CPQ: variants seen among roughly 807,000 people sequenced by gnomAD.
The protein encoded by CPQ is carboxypeptidase Q.
In CPQ, 37 loss-of-function variants were observed where a neutral mutation model predicts 45.7. The ratio of observed to expected loss-of-function variants is 0.81; its 90% CI spans 0.62 to 1.07. The LOEUF (loss-of-function observed/expected upper bound fraction) is 1.07. Among genes scored for constraint, CPQ ranks in the 50% least tolerant of loss-of-function variants. CPQ has a pLI of 0.00. For synonymous variants in CPQ, 186 were observed against 205.8 expected (o/e 0.90, Z 0.82); for missense variants, 537 against 572.9 (o/e 0.94, Z 0.64).
At chr8:96,930,320 T>G (rs1477802202) in intron 4 of CPQ, among the ~76,000 whole-genome samples, 1 of 152,188 alleles carries the variant, frequency 6.6e-6, no homozygotes, top group South Asian at 2.1e-4. Flanking sequence ...TTCCAGGTGA[T>G]TTTTGGGAAA....
chr8:96,825,332 G>A (rs1811366108), intron 2 of CPQ, among the ~76,000 whole-genome samples: 1 of 152,016 alleles, frequency 6.6e-6, no homozygotes, highest in Non-Finnish European at 1.5e-5. Flanking sequence ...GCCTGCAGAT[G>A]TTTTGGGGGA....
At chr8:96,774,806 G>T (rs1287313259) in intron 1 of CPQ, among the ~76,000 whole-genome samples, 4 of 152,120 alleles carry the variant, frequency 2.6e-5, no homozygotes, top group Non-Finnish European at 1.5e-5. Context: ...ATAGTCATAG[G>T]TCTTGCTTAT....
At chr8:96,847,013 T>C (rs1232544045) in intron 3 of CPQ, among the ~76,000 whole-genome samples, 1 of 152,222 alleles carries the variant, frequency 6.6e-6, no homozygotes, top group East Asian at 1.9e-4. Flanking sequence ...TCACGTTAAA[T>C]ATATTTGGCA....
intron 7 of CPQ, among the ~76,000 whole-genome samples, chr8:97,074,808 A>G (rs1456017042): frequency 6.6e-6 from 1 of 152,058 alleles, no homozygotes; most frequent in African/African-American, 2.4e-5. Flanking sequence ...AGAGAAGGAC[A>G]TTCCTGATGA....
intron 1 of CPQ, among the ~76,000 whole-genome samples, chr8:96,746,526 T>C (rs1332003924): frequency 1.3e-5 from 2 of 152,176 alleles, no homozygotes; most frequent in Non-Finnish European, 2.9e-5. Context: ...CTCTGCTCTG[T>C]CCACTTATTT....
chr8:96,747,957 G>A (rs1810211628), intron 1 of CPQ, among the ~76,000 whole-genome samples: 1 of 152,196 alleles, frequency 6.6e-6, no homozygotes, highest in African/African-American at 2.4e-5. Flanking sequence ...GAAAGACAAA[G>A]ACAGACAGCA....
chr8:96,652,445 T>C (rs1815587085), intron 1 of CPQ, among the ~76,000 whole-genome samples: 1 of 152,352 alleles, frequency 6.6e-6, no homozygotes, highest in Admixed American at 6.5e-5. Flanking sequence ...TGGGATTGCA[T>C]ATGTCTCTTT....
intron 1 of CPQ, among the ~76,000 whole-genome samples, chr8:96,738,211 C>T (rs1189606414): frequency 6.6e-6 from 1 of 152,004 alleles, no homozygotes; most frequent in Non-Finnish European, 1.5e-5. Context: ...TGCATTGTTT[C>T]ATAGACACAC....
chr8:96,891,884 G>C (rs1812381960), intron 4 of CPQ, among the ~76,000 whole-genome samples: 1 of 152,120 alleles, frequency 6.6e-6, no homozygotes, highest in South Asian at 2.1e-4. Flanking sequence ...AGGAAGCCAA[G>C]GATGGCTTTC....
chr8:97,031,860 C>T (rs79285568), intron 6 of CPQ, among the ~76,000 whole-genome samples: 110 of 152,326 alleles, frequency 7.2e-4, no homozygotes, highest in Middle Eastern at 3.4e-3. Flanking sequence ...TTTACAGTAA[C>T]TCTTTACCTC....
At chr8:97,002,566 A>C (rs941978278) in intron 5 of CPQ, among the ~76,000 whole-genome samples, 1 of 152,078 alleles carries the variant, frequency 6.6e-6, no homozygotes, top group African/African-American at 2.4e-5. Context: ...ATGTAATTGT[A>C]TGGTTTTGAG....
At chr8:96,984,578 C>G (rs553073232) in intron 5 of CPQ, among the ~76,000 whole-genome samples, 1 of 152,182 alleles carries the variant, frequency 6.6e-6, no homozygotes, top group South Asian at 2.1e-4. Context: ...TGATCTTGAA[C>G]TTGTCAGGCT....
chr8:96,787,136 T>C (rs2130810850), intron 2 of CPQ, among the ~76,000 whole-genome samples: 1 of 152,234 alleles, frequency 6.6e-6, no homozygotes, highest in Admixed American at 6.5e-5. Flanking sequence ...TACTGTAATG[T>C]ATCTAGGTAT....
intron 7 of CPQ, among the ~76,000 whole-genome samples, chr8:97,076,486 A>C (rs1040549397): frequency 6.6e-6 from 1 of 152,206 alleles, no homozygotes; most frequent in African/African-American, 2.4e-5. Context: ...CAGGATTCCA[A>C]TAAGGTTCAA....
intron 4 of CPQ, among the ~76,000 whole-genome samples, chr8:96,956,812 C>G (rs1813364622): frequency 6.6e-6 from 1 of 152,164 alleles, no homozygotes. Context: ...GGAAATTTGG[C>G]TTGTTTCCTA....
At chr8:96,917,853 C>T (rs1812752841) in intron 4 of CPQ, among the ~76,000 whole-genome samples, 1 of 152,078 alleles carries the variant, frequency 6.6e-6, no homozygotes. Context: ...AAATCTGGTT[C>T]CCTTCACCCA....
intron 1 of CPQ, among the ~76,000 whole-genome samples, chr8:96,734,542 T>C (rs1809954915): frequency 6.6e-6 from 1 of 151,828 alleles, no homozygotes; most frequent in Admixed American, 6.6e-5. Flanking sequence ...AAACTCCATC[T>C]CTACTAAAAA....
At chr8:97,008,700 G>T (rs1025263882) in intron 5 of CPQ, among the ~76,000 whole-genome samples, 1 of 152,284 alleles carries the variant, frequency 6.6e-6, no homozygotes, top group East Asian at 1.9e-4. Flanking sequence ...CCATAAGTGA[G>T]TTGCTTAACC....
chr8:97,140,365 T>C (rs901621286), intron 7 of CPQ, among the ~76,000 whole-genome samples: 4 of 135,954 alleles, frequency 2.9e-5, no homozygotes, highest in African/African-American at 1.2e-4. Context: ...TCCCAGAATG[T>C]ATAAAAAAAA....
Sources: gnomAD v4.1 joint callset for allele counts (sites outside exome capture counted in the v4.1 genomes callset) on GRCh38, gnomAD v4.1.1 for gene constraint, MANE v1.5 for transcripts, NCBI Gene and HGNC (gene_info 2026-07-23, HGNC 2026-07-21) for gene names.